The following AOAH variants were observed in gnomAD, a reference collection of about 807,000 sequenced individuals.
AOAH encodes the protein acyloxyacyl hydrolase (neutrophil).
In AOAH, 64 loss-of-function variants were observed where a neutral mutation model predicts 92.2. The ratio of observed to expected loss-of-function variants is 0.69; its 90% CI spans 0.57 to 0.86. The LOEUF (loss-of-function observed/expected upper bound fraction) is 0.86. Ranked by LOEUF, AOAH falls within the 40% of genes least tolerant of loss-of-function variation. AOAH has a pLI of 0.00. For synonymous variants in AOAH, 263 were observed against 254.5 expected, an observed-to-expected ratio of 1.03 and a Z score of -0.32; for missense variants, 656 against 694.6, an observed-to-expected ratio of 0.94 and a Z score of 0.62.
At position 36,724,039 on chromosome 7, in the gene AOAH, T is replaced by G; in HGVS notation, c.110A>C (p.Asn37Thr). ...NDDQSRPSLS[N>T]GHTCVGCVLV... ...TTGCATACCTACACAGGTGTGCCCA[T>G]TCGAGAGGCTGGGCCTGGACTGGTC... The change falls in exon 1 of 21, where the codon AAT becomes ACT. Residue 37 changes from asparagine to threonine, a missense_variant. Asn to Thr is a moderately conservative substitution (Grantham distance 65). Coordinates refer to ENST00000617537, the MANE Select transcript of AOAH (RefSeq NM_001637.4). 1 of 1,613,544 alleles carries G rather than the reference T, an allele frequency of 6.2e-7. No individual in the cohort carries two copies. The highest frequency in any genetic ancestry group is 8.5e-7 in the Non-Finnish European group (1 of 1,179,666).
intron 13 of AOAH, among the ~76,000 whole-genome samples, chr7:36,565,575 C>G (rs1181568000): frequency 1.3e-5 from 2 of 150,274 alleles, no homozygotes; most frequent in East Asian, 3.9e-4. Flanking sequence ...CTTTGTGGCT[C>G]AGGTTGGGGT....
At chr7:36,618,905 A>G (rs1442761631) in intron 9 of AOAH, among the ~76,000 whole-genome samples, 1 of 152,232 alleles carries the variant, frequency 6.6e-6, no homozygotes, top group African/African-American at 2.4e-5. Context: ...AGCTCCAACA[A>G]CAAAGAATTA....
At chr7:36,659,131 C>T (rs776309608) in intron 4 of AOAH, 35 bp downstream of exon 4, 62 of 1,551,080 alleles carry the variant, frequency 4.0e-5, no homozygotes, top group Non-Finnish European at 5.3e-5. Flanking sequence ...TTGCATGTCC[C>T]TGGAAACAGA....
rs114028244 is a variant in AOAH at position 36,680,755 on chromosome 7, G to A, written c.223+5944C>T. Among the ~76,000 whole-genome samples the A allele has an allele frequency of 5.0e-3, 768 of 152,262 alleles. 8 individuals carry two copies. Among genetic ancestry groups the A allele is most frequent in the African/African-American group, 0.018 (738 of 41,542 alleles). On this transcript the variant is annotated intron_variant, in intron 2 of 20. Coordinates refer to ENST00000617537, the MANE Select transcript of AOAH (RefSeq NM_001637.4). ...GAGGTAAAACAAGAATTGATAAAAT[G>A]AAAATAACTCCCAATAACCTTCTTA...
At chr7:36,534,833 G>T (rs1398879431) in intron 16 of AOAH, among the ~76,000 whole-genome samples, 1 of 152,088 alleles carries the variant, frequency 6.6e-6, no homozygotes, top group Non-Finnish European at 1.5e-5. Context: ...GGGCTGAGGA[G>T]CTCTGTCTAT....
At chr7:36,693,676 T>C (rs545924541) in intron 1 of AOAH, among the ~76,000 whole-genome samples, 21 of 152,194 alleles carry the variant, frequency 1.4e-4, no homozygotes, top group Admixed American at 2.6e-4. Flanking sequence ...TAAAATTAGC[T>C]TATCTAAGCA....
At chr7:36,548,761 C>A in intron 14 of AOAH, 75 bp from the exon 15 acceptor site, 1 of 1,356,178 alleles carries the variant, frequency 7.4e-7, no homozygotes, top group Non-Finnish European at 1.1e-6. Context: ...ACAGGCTGGG[C>A]CTTTGAAAAC....
At chr7:36,633,891 G>C (rs774010257) in intron 5 of AOAH, among the ~76,000 whole-genome samples, 1 of 152,156 alleles carries the variant, frequency 6.6e-6, no homozygotes, top group African/African-American at 2.4e-5. Context: ...CCTGTGCACT[G>C]TGAGATGCTG....
At chr7:36,717,925 A>G in intron 1 of AOAH, among the ~76,000 whole-genome samples, 2 of 152,120 alleles carry the variant, frequency 1.3e-5, no homozygotes, top group South Asian at 4.2e-4. Context: ...TGACACCAAA[A>G]ATACAAGAGA....
At chr7:36,626,898 C>G (rs569415220) in intron 6 of AOAH, among the ~76,000 whole-genome samples, 1 of 152,328 alleles carries the variant, frequency 6.6e-6, no homozygotes, top group East Asian at 1.9e-4. Flanking sequence ...AGATTACAGG[C>G]ATGAGGCAAT....
rs1027415173 is a variant in AOAH, at chr7:36,513,512, T to C, written c.1600-132A>G. On this transcript the variant is annotated intron_variant, in intron 20 of 20. Coordinates refer to ENST00000617537, the MANE Select transcript of AOAH (RefSeq NM_001637.4). ...CATGACTCCCACCCCCATGTCTCTGTATAACCTCCTTCCCTTGCTGGCGGT... is the reference window on the plus strand; with the variant it reads ...CATGACTCCCACCCCCATGTCTCTGCATAACCTCCTTCCCTTGCTGGCGGT... 2.2e-5 allele frequency: 18 copies of C among 827,508 alleles called. No individual in the cohort carries two copies. The Admixed American group carries it at 4.6e-4, about 21-fold the overall frequency. 51.3% of individuals were successfully genotyped at this position (827,508 alleles called of 1,614,324 possible).
intron 11 of AOAH, among the ~76,000 whole-genome samples, chr7:36,607,795 C>T (rs2115804803): frequency 6.6e-6 from 1 of 152,300 alleles, no homozygotes; most frequent in South Asian, 2.1e-4. Flanking sequence ...CTGGCTGAGA[C>T]TTGCGGTGGA....
At chr7:36,656,646 T>A (rs1267237240) in intron 4 of AOAH, among the ~76,000 whole-genome samples, 1 of 152,040 alleles carries the variant, frequency 6.6e-6, no homozygotes, top group African/African-American at 2.4e-5. Context: ...CTGCCACATA[T>A]CACCTTGTGA....
intron 14 of AOAH, 45 bp downstream of exon 14, chr7:36,549,393 CA>C (rs764354370): frequency 1.9e-5 from 27 of 1,439,490 alleles, no homozygotes; most frequent in Non-Finnish European, 2.6e-5. Flanking sequence ...ATTCCTTATT[CA>C]AAATGAGAAA....
chr7:36,514,904 T>C (rs574040706), intron 20 of AOAH, among the ~76,000 whole-genome samples: 23 of 152,060 alleles, frequency 1.5e-4, no homozygotes, highest in African/African-American at 5.6e-4. Flanking sequence ...TTTGTGAGAT[T>C]TTAGTAGTTA....
chr7:36,671,621 G>A (rs912728794), intron 3 of AOAH, among the ~76,000 whole-genome samples: 13 of 148,406 alleles, frequency 8.8e-5, no homozygotes, highest in Non-Finnish European at 1.2e-4. Flanking sequence ...GTGTGTGTGC[G>A]TGTGTGCATC....
chr7:36,532,154 G>A lies in AOAH; in HGVS notation c.1418C>T (p.Thr473Ile). 6 of 1,614,230 alleles carry A rather than the reference G, an allele frequency of 3.7e-6. No individual in the cohort carries two copies. Among genetic ancestry groups the A allele is most frequent in the Non-Finnish European group, 5.1e-6 (6 of 1,180,028 alleles). ...GGCCTGTGACAGTCATACCTCTGAA[G>A]TGAGAGTCCGCAACGTCTTGTTGGA... is the stretch of plus-strand genomic sequence containing the variant. ...MSSNKTLRTL[T>I]SERAEQLSNT... Residue 473 changes from threonine (T) to isoleucine (I), a missense_variant, in exon 18 of 21, where the codon ACT becomes ATT. Transcript: ENST00000617537.
At chr7:36,577,724 T>G (rs1392401895) in intron 12 of AOAH, among the ~76,000 whole-genome samples, 1 of 152,222 alleles carries the variant, frequency 6.6e-6, no homozygotes, top group African/African-American at 2.4e-5. Context: ...TGTAATTAAA[T>G]GTTATGTTCT....
Position 36,724,161 on chromosome 7 carries a change from C to G in AOAH, c.-13G>C. Reference sequence around the variant, plus strand: ...AGGGGGACTGCATCTCCGAGCTATGCACCCCAAGTGATCACCCGGCTTTGG... The same window carrying G: ...AGGGGGACTGCATCTCCGAGCTATGGACCCCAAGTGATCACCCGGCTTTGG... On this transcript the variant is annotated 5_prime_UTR_variant, in exon 1 of 21. Coordinates refer to ENST00000617537, the MANE Select transcript of AOAH (RefSeq NM_001637.4). The G allele has an allele frequency of 6.2e-7, 1 of 1,611,910 alleles. No individual in the cohort carries two copies. The highest frequency in any genetic ancestry group is 1.1e-5 in the South Asian group (1 of 91,020).
Sources: allele counts gnomAD v4.1 joint callset (sites outside exome capture counted in the v4.1 genomes callset), GRCh38; gene constraint gnomAD v4.1.1; transcripts MANE v1.5; gene names NCBI Gene and HGNC (gene_info 2026-07-23, HGNC 2026-07-21).